Variants in PLCL1 observed in about 807,000 individuals in gnomAD.
PLCL1 encodes inactive phospholipase C-like protein 1.
A neutral mutation model predicts 84.4 loss-of-function variants in PLCL1; 41 were observed. That is an observed-to-expected ratio of 0.49 (90% CI 0.38 to 0.63). The LOEUF is 0.63. PLCL1 is among the 30% of genes least tolerant of loss of function. The probability of loss-of-function intolerance (pLI) is 0.00; values close to 1 mark genes in which losing one functional copy is unlikely to be tolerated. For missense variants in PLCL1, 1,206 were observed against 1,367.8 expected (o/e 0.88, Z 1.87); for synonymous variants, 490 against 488.3 (o/e 1.00, Z -0.05).
chr2:198,124,672 G>A (rs568172769), intron 5 of PLCL1, among the ~76,000 whole-genome samples: 8 of 152,122 alleles, frequency 5.3e-5, no homozygotes, highest in Middle Eastern at 6.8e-3. Flanking sequence ...TGCTTTGGCC[G>A]GGCCCTGTGC....
chr2:198,039,264 A>C (rs1691608983), intron 1 of PLCL1, among the ~76,000 whole-genome samples: 1 of 152,202 alleles, frequency 6.6e-6, no homozygotes, highest in Non-Finnish European at 1.5e-5. Flanking sequence ...CATGGAAAAC[A>C]TTATTCTAAA....
chr2:198,069,834 A>T (rs1454900323), intron 1 of PLCL1, among the ~76,000 whole-genome samples: 1 of 152,220 alleles, frequency 6.6e-6, no homozygotes, highest in African/African-American at 2.4e-5. Context: ...TTAGTAGAAG[A>T]GTATTTTAAG....
intron 1 of PLCL1, among the ~76,000 whole-genome samples, chr2:197,911,465 C>T (rs915857732): frequency 6.6e-6 from 1 of 151,842 alleles, no homozygotes; most frequent in Non-Finnish European, 1.5e-5. Context: ...CAAGTTTTCT[C>T]CAAGAATAGA....
At chr2:198,095,069 CAA>C (rs1693161261) in intron 3 of PLCL1, among the ~76,000 whole-genome samples, 1 of 152,160 alleles carries the variant, frequency 6.6e-6, no homozygotes, top group African/African-American at 2.4e-5. Flanking sequence ...GCTAAATACA[CAA>C]AGAGAAGAGC....
intron 1 of PLCL1, among the ~76,000 whole-genome samples, chr2:198,056,191 T>C (rs1259742506): frequency 6.6e-6 from 1 of 152,240 alleles, no homozygotes; most frequent in Non-Finnish European, 1.5e-5. Flanking sequence ...TTTATCACAC[T>C]ATTAATTACC....
At chr2:197,938,301 T>C (rs950782313) in intron 1 of PLCL1, among the ~76,000 whole-genome samples, 19 of 152,216 alleles carry the variant, frequency 1.2e-4, no homozygotes, top group African/African-American at 3.1e-4. Flanking sequence ...TCCAAGCCAC[T>C]GACTCTTGCA....
intron 1 of PLCL1, among the ~76,000 whole-genome samples, chr2:197,850,407 A>G (rs1553495766): frequency 1.3e-5 from 2 of 152,186 alleles, no homozygotes; most frequent in African/African-American, 2.4e-5. Context: ...TGAATCCTGC[A>G]TGGAGTTTAG....
intron 1 of PLCL1, among the ~76,000 whole-genome samples, chr2:197,809,614 G>A (rs951570909): frequency 2.6e-5 from 4 of 152,156 alleles, no homozygotes; most frequent in South Asian, 2.1e-4. Flanking sequence ...TCTGCTTGGC[G>A]TCAATATATG....
chr2:197,871,697 C>T (rs1486174318), intron 1 of PLCL1, among the ~76,000 whole-genome samples: 1 of 151,896 alleles, frequency 6.6e-6, no homozygotes, highest in Non-Finnish European at 1.5e-5. Context: ...AACATCGTAC[C>T]CCAAACAATA....
At chr2:197,992,653 T>C (rs1406593749) in intron 1 of PLCL1, among the ~76,000 whole-genome samples, 1 of 152,200 alleles carries the variant, frequency 6.6e-6, no homozygotes, top group Admixed American at 6.6e-5. Flanking sequence ...CAGAACTTTT[T>C]CATTTCCCCA....
intron 1 of PLCL1, among the ~76,000 whole-genome samples, chr2:198,011,326 C>A (rs1337008802): frequency 2.6e-5 from 4 of 151,874 alleles, no homozygotes; most frequent in Non-Finnish European, 5.9e-5. Flanking sequence ...TTTCACTTGT[C>A]TCCAGATATT....
intron 5 of PLCL1, among the ~76,000 whole-genome samples, chr2:198,110,403 T>C (rs1044952118): frequency 1.3e-5 from 2 of 151,920 alleles, no homozygotes; most frequent in East Asian, 1.9e-4. Context: ...CCCAGGCAGA[T>C]TCCCTCACTG....
chr2:197,850,402 C>A (rs1687211701), intron 1 of PLCL1, among the ~76,000 whole-genome samples: 1 of 152,082 alleles, frequency 6.6e-6, no homozygotes, highest in Non-Finnish European at 1.5e-5. Flanking sequence ...AAGTGTGAAT[C>A]CTGCATGGAG....
At chr2:197,946,094 A>G (rs1378986119) in intron 1 of PLCL1, among the ~76,000 whole-genome samples, 1 of 152,166 alleles carries the variant, frequency 6.6e-6, no homozygotes, top group Non-Finnish European at 1.5e-5. Context: ...CAACGTTAAC[A>G]CTAAAAAAGA....
At chr2:197,892,696 T>C (rs756543750) in intron 1 of PLCL1, among the ~76,000 whole-genome samples, 9 of 152,158 alleles carry the variant, frequency 5.9e-5, no homozygotes, top group Non-Finnish European at 1.0e-4. Context: ...TAAAACAATG[T>C]TTAAAGATTG....
At chr2:198,110,239 G>C (rs1693582470) in intron 5 of PLCL1, among the ~76,000 whole-genome samples, 1 of 151,772 alleles carries the variant, frequency 6.6e-6, no homozygotes, top group African/African-American at 2.4e-5. Flanking sequence ...TTTATGTTTA[G>C]TATATGTGAC....
intron 1 of PLCL1, among the ~76,000 whole-genome samples, chr2:197,945,316 G>T (rs1689250826): frequency 6.6e-6 from 1 of 152,138 alleles, no homozygotes. Flanking sequence ...ACCCTCATAG[G>T]TTCTTTATTA....
intron 5 of PLCL1, among the ~76,000 whole-genome samples, chr2:198,108,895 T>C (rs1281287575): frequency 6.6e-6 from 1 of 151,948 alleles, no homozygotes; most frequent in Non-Finnish European, 1.5e-5. Context: ...TCTTTCTTTT[T>C]CACTATTGTA....
At chr2:197,990,997 C>T (rs770674475) in intron 1 of PLCL1, among the ~76,000 whole-genome samples, 29 of 152,040 alleles carry the variant, frequency 1.9e-4, no homozygotes, top group African/African-American at 4.6e-4. Flanking sequence ...GTTAATTTTA[C>T]GGTCAATTTG....
Sources: allele counts gnomAD v4.1 joint callset (sites outside exome capture counted in the v4.1 genomes callset), GRCh38; gene constraint gnomAD v4.1.1; transcripts MANE v1.5; gene names NCBI Gene and HGNC (gene_info 2026-07-23, HGNC 2026-07-21).